Variants in LRP1B observed in about 807,000 individuals in gnomAD.
LRP1B encodes low-density lipoprotein receptor-related protein 1B.
In LRP1B, 217 loss-of-function variants were observed where a neutral mutation model predicts 556.6. The observed-to-expected ratio is 0.39, with a 90% CI of 0.35 to 0.44. The LOEUF (loss-of-function observed/expected upper bound fraction) is 0.44, where lower values mean the gene tolerates loss of function less well. Ranked by LOEUF, LRP1B falls within the 20% of genes least tolerant of loss-of-function variation. LRP1B has a pLI of 1.00. For synonymous variants in LRP1B, 2,047 were observed against 1,865.8 expected (o/e 1.10, Z -2.50); for missense variants, 5,053 against 5,620.8 (o/e 0.90, Z 3.23).
At chr2:141,988,601 A>T (rs1281425018) in intron 1 of LRP1B, among the ~76,000 whole-genome samples, 1 of 151,994 alleles carries the variant, frequency 6.6e-6, no homozygotes, top group African/African-American at 2.4e-5. Flanking sequence ...GTTCACAGTG[A>T]ATCATTCCAT....
chr2:142,115,683 TAATA>T lies in LRP1B; in HGVS notation c.82+14961_82+14964del, dbSNP rs1298300163. 9.1e-5 allele frequency among the ~76,000 whole-genome samples: 2 copies of T among 21,904 alleles called. 1 individual carries two copies. Among genetic ancestry groups the T allele is most frequent in the African/African-American group, 3.6e-4 (2 of 5,482 alleles). 14.4% of individuals were successfully genotyped at this position (21,904 alleles called of 152,430 possible). A position where few individuals can be genotyped will look rare whatever the true frequency, so the allele number is the denominator to read the frequency against. ...GTAATATATATATGTAATATATATA[TAATA>T]TATATGTAATATATATATAATATAT... On this transcript the variant is annotated intron_variant, in intron 1 of 90. Coordinates refer to ENST00000389484, the MANE Select transcript of LRP1B (RefSeq NM_018557.3).
intron 60 of LRP1B, among the ~76,000 whole-genome samples, chr2:140,473,150 C>G (rs986045523): frequency 2.0e-5 from 3 of 151,962 alleles, no homozygotes; most frequent in Admixed American, 1.3e-4. Context: ...GTAGAGTTGG[C>G]ATAATTCAGG....
intron 86 of LRP1B, among the ~76,000 whole-genome samples, chr2:140,265,823 GAT>G (rs1682175585): frequency 6.6e-6 from 1 of 151,996 alleles, no homozygotes; most frequent in Non-Finnish European, 1.5e-5. Context: ...CCACTAGAAA[GAT>G]ATTCTGAGGG....
At chr2:140,409,806 T>C (rs900997583) in intron 66 of LRP1B, among the ~76,000 whole-genome samples, 5 of 152,024 alleles carry the variant, frequency 3.3e-5, no homozygotes, top group Admixed American at 3.3e-4. Context: ...ATTCATGCCA[T>C]CTGGTTCTAA....
At chr2:141,666,392 T>C (rs568404363) in intron 2 of LRP1B, among the ~76,000 whole-genome samples, 1 of 152,292 alleles carries the variant, frequency 6.6e-6, no homozygotes, top group African/African-American at 2.4e-5. Context: ...TCCATGTTTG[T>C]TTGTTTGTTT....
intron 6 of LRP1B, among the ~76,000 whole-genome samples, chr2:141,221,255 A>C (rs1237807707): frequency 6.8e-6 from 1 of 147,934 alleles, no homozygotes; most frequent in African/African-American, 2.5e-5. Context: ...TTGCAATCCT[A>C]GTTTCTGACA....
At chr2:140,427,071 T>C (rs576939260) in intron 66 of LRP1B, among the ~76,000 whole-genome samples, 11 of 152,328 alleles carry the variant, frequency 7.2e-5, no homozygotes, top group Admixed American at 5.2e-4. Context: ...TCCTTTCATT[T>C]TCTCGTAGAG....
At chr2:140,870,139 A>G (rs1268806231) in intron 25 of LRP1B, among the ~76,000 whole-genome samples, 2 of 152,034 alleles carry the variant, frequency 1.3e-5, no homozygotes, top group Non-Finnish European at 2.9e-5. Flanking sequence ...ATTAAACAAC[A>G]AAGACAAAAA....
At chr2:140,414,515 C>T (rs1177850857) in intron 66 of LRP1B, among the ~76,000 whole-genome samples, 1 of 152,014 alleles carries the variant, frequency 6.6e-6, no homozygotes, top group Non-Finnish European at 1.5e-5. Context: ...GAGGTAATGC[C>T]TCTATGGGTT....
chr2:141,903,390 G>A (rs561750218), intron 1 of LRP1B, among the ~76,000 whole-genome samples: 1 of 151,914 alleles, frequency 6.6e-6, no homozygotes, highest in Admixed American at 6.6e-5. Flanking sequence ...TCTAACTAGA[G>A]CTTTCACTCC....
At chr2:141,996,714 C>A (rs1039514265) in intron 1 of LRP1B, among the ~76,000 whole-genome samples, 7 of 22,512 alleles carry the variant, frequency 3.1e-4, no homozygotes, top group African/African-American at 2.2e-3. Context: ...TTTTTTCTTT[C>A]CCCCCCCCTA....
chr2:140,750,079 TACACACACACACACACAC>T (rs59747381), intron 35 of LRP1B, among the ~76,000 whole-genome samples: 1 of 150,608 alleles, frequency 6.6e-6, no homozygotes, highest in Non-Finnish European at 1.5e-5. Context: ...TGTGCACACG[TACACACACACACACACAC>T]ACACACACAC....
chr2:140,748,449 T>C (rs1209653878), intron 35 of LRP1B, among the ~76,000 whole-genome samples: 4 of 112,436 alleles, frequency 3.6e-5, no homozygotes, highest in African/African-American at 1.0e-4. Context: ...ATATTATATA[T>C]ATATATACAC....
At chr2:141,348,660 T>C (rs2105533540) in intron 3 of LRP1B, among the ~76,000 whole-genome samples, 2 of 152,168 alleles carry the variant, frequency 1.3e-5, no homozygotes, top group South Asian at 4.1e-4. Context: ...AAAACAGTAT[T>C]ACTCATAGAG....
chr2:140,551,649 G>A (rs1680552530), intron 43 of LRP1B, among the ~76,000 whole-genome samples: 3 of 152,146 alleles, frequency 2.0e-5, no homozygotes, highest in African/African-American at 7.2e-5. Context: ...TGCCTCTGCT[G>A]TACAGACTAG....
At chr2:140,337,525 A>T in intron 77 of LRP1B, among the ~76,000 whole-genome samples, 1 of 151,866 alleles carries the variant, frequency 6.6e-6, no homozygotes, top group East Asian at 1.9e-4. Flanking sequence ...TTAAAAGTAA[A>T]TATATCACCA....
At position 140,564,415 on chromosome 2, in the gene LRP1B, T is replaced by C. The variant is rs779822400; in HGVS notation, c.7195-22444A>G. On this transcript the variant is annotated intron_variant, in intron 43 of 90. Transcript: ENST00000389484. The stretch of plus-strand genomic sequence containing the variant: ...AGAATTTAAAACCACTTTAATCAAA[T>C]ATATCATATAAGTGTTATTTCTAAA... 7.9e-5 allele frequency among the ~76,000 whole-genome samples: 12 copies of C among 152,156 alleles called. 1 individual carries two copies. The highest frequency in any genetic ancestry group is 1.6e-4 in the Non-Finnish European group (11 of 67,990).
chr2:140,264,783 T>A (rs548386233), intron 86 of LRP1B, among the ~76,000 whole-genome samples: 1 of 151,750 alleles, frequency 6.6e-6, no homozygotes, highest in African/African-American at 2.4e-5. Flanking sequence ...TAGTTTGAGA[T>A]GTTAAGTCCA....
At chr2:142,090,988 A>G (rs1350973827) in intron 1 of LRP1B, among the ~76,000 whole-genome samples, 1 of 152,156 alleles carries the variant, frequency 6.6e-6, no homozygotes, top group Non-Finnish European at 1.5e-5. Context: ...AACTTTGTAC[A>G]GAAGGCCAAA....
Sources: allele counts gnomAD v4.1 joint callset (sites outside exome capture counted in the v4.1 genomes callset), GRCh38; gene constraint gnomAD v4.1.1; transcripts MANE v1.5; gene names NCBI Gene and HGNC (gene_info 2026-07-23, HGNC 2026-07-21).